The following TSPAN9 variants were observed in gnomAD, a reference collection of about 807,000 sequenced individuals.
TSPAN9 encodes the protein tetraspanin-9.
A neutral mutation model predicts 31.0 loss-of-function variants in TSPAN9; 16 were observed. The ratio of observed to expected loss-of-function variants is 0.52; its 90% confidence interval spans 0.35 to 0.78. TSPAN9 has a LOEUF of 0.78. Among genes scored for constraint, TSPAN9 ranks in the 30% least tolerant of loss-of-function variants. The pLI, the probability that TSPAN9 is intolerant of heterozygous loss-of-function variation, is 0.01. For synonymous variants in TSPAN9, 145 were observed against 121.6 expected (o/e 1.19, Z -1.27); for missense variants, 272 against 312.5 (o/e 0.87, Z 0.98).
At position 3,272,640 on chromosome 12, in the gene TSPAN9, C is replaced by T. The variant is rs775402362; in HGVS notation, c.64-5781C>T. ...GGTGTGTCCTCTGCTGTGGGCCCGG[C>T]GCTGGCAGAGGAGTCATCCCTGGCG... On this transcript the variant is annotated intron_variant, in intron 3 of 8. Transcript: ENST00000011898. Among the ~76,000 whole-genome samples the T allele has an allele frequency of 3.3e-5, 5 of 152,106 alleles. No individual in the cohort carries two copies. The East Asian group carries it at 7.8e-4, about 24-fold the overall frequency.
At chr12:3,268,575 G>A (rs1462596857) in intron 3 of TSPAN9, among the ~76,000 whole-genome samples, 3 of 123,712 alleles carry the variant, frequency 2.4e-5, no homozygotes, top group Admixed American at 7.7e-5. Context: ...TGTTCCTGCA[G>A]CCTGCCCTCC....
chr12:3,181,273 C>T (rs144830450), intron 2 of TSPAN9, among the ~76,000 whole-genome samples: 11 of 152,236 alleles, frequency 7.2e-5, no homozygotes, highest in South Asian at 6.2e-4. Context: ...GTGCCAGGCA[C>T]GGAATCGGGC....
intron 2 of TSPAN9, among the ~76,000 whole-genome samples, chr12:3,199,657 T>C (rs894332169): frequency 1.7e-4 from 26 of 152,060 alleles, no homozygotes; most frequent in Non-Finnish European, 3.7e-4. Flanking sequence ...CGCCGCAGCG[T>C]CCCAACCGAG....
intron 2 of TSPAN9, chr12:3,173,834 T>TCCTC (rs1388415689): frequency 7.2e-5 from 11 of 152,134 alleles, no homozygotes; most frequent in Admixed American, 4.6e-4. Flanking sequence ...CTTTCTGTCT[T>TCCTC]CCTCCCTCCC....
intron 2 of TSPAN9, among the ~76,000 whole-genome samples, chr12:3,088,050 A>T (rs1490388744): frequency 1.3e-5 from 2 of 152,214 alleles, no homozygotes; most frequent in Non-Finnish European, 2.9e-5. Flanking sequence ...GCCAGGCTCT[A>T]CAGGAGGGCT....
intron 2 of TSPAN9, among the ~76,000 whole-genome samples, chr12:3,138,659 C>CT (rs2098333232): frequency 6.4e-5 from 7 of 109,122 alleles, no homozygotes; most frequent in Non-Finnish European, 3.9e-5. Flanking sequence ...CTTTTTTTTC[C>CT]TTTTTTTGTA....
At chr12:3,189,129 G>A (rs933287244) in intron 2 of TSPAN9, among the ~76,000 whole-genome samples, 1 of 152,222 alleles carries the variant, frequency 6.6e-6, no homozygotes, top group Admixed American at 6.5e-5. Context: ...AACAAGAAGA[G>A]TGCCTCTTCA....
intron 3 of TSPAN9, among the ~76,000 whole-genome samples, chr12:3,221,883 C>T (rs2153975029): frequency 6.6e-6 from 1 of 152,300 alleles, no homozygotes; most frequent in Non-Finnish European, 1.5e-5. Context: ...CTCAAGTAAT[C>T]CTCCTGCCTT....
intron 2 of TSPAN9, among the ~76,000 whole-genome samples, chr12:3,158,243 C>T (rs2098343279): frequency 6.6e-6 from 1 of 152,176 alleles, no homozygotes; most frequent in Admixed American, 6.5e-5. Context: ...TGGATGCCTC[C>T]TACAAGATCT....
rs1055117669 is a variant in TSPAN9, at chr12:3,283,320, TC to T, written c.*205del. On this transcript the variant is annotated 3_prime_UTR_variant, in exon 9 of 9. Transcript: ENST00000011898. The stretch of plus-strand genomic sequence containing the variant: ...GAGGAGGCACACGGAGACCTGGGGC[TC>T]GGGGCCCCTGGATTCCTGCATCTGC... 34 of 556,620 alleles carry T rather than the reference TC, an allele frequency of 6.1e-5. No homozygotes were observed. The highest frequency in any genetic ancestry group is 6.8e-5 in the Non-Finnish European group (22 of 322,676). The allele number at this position is 556,620 out of a possible 1,614,324, so 34.5% of individuals were successfully genotyped here.
chr12:3,217,747 C>T (rs1317016189), intron 3 of TSPAN9, among the ~76,000 whole-genome samples: 4 of 152,074 alleles, frequency 2.6e-5, no homozygotes, highest in Non-Finnish European at 4.4e-5. Context: ...ATCATCTGTC[C>T]CTTCCCTGCT....
intron 3 of TSPAN9, among the ~76,000 whole-genome samples, chr12:3,260,237 A>G (rs1188514272): frequency 6.6e-6 from 1 of 152,256 alleles, no homozygotes; most frequent in Non-Finnish European, 1.5e-5. Flanking sequence ...GTTTGTGCTT[A>G]ATAAGTGACT....
chr12:3,212,518 C>CCTG (rs1413449240), intron 3 of TSPAN9, among the ~76,000 whole-genome samples: 2 of 151,718 alleles, frequency 1.3e-5, no homozygotes, highest in Non-Finnish European at 2.9e-5. Flanking sequence ...CTTAAGCAAT[C>CCTG]CTGCCTTGGC....
At chr12:3,106,001 C>A (rs2098314460) in intron 2 of TSPAN9, among the ~76,000 whole-genome samples, 1 of 152,202 alleles carries the variant, frequency 6.6e-6, no homozygotes, top group Middle Eastern at 3.4e-3. Context: ...GTCTTGCACA[C>A]ACACACTCAT....
At chr12:3,078,358 T>C (rs2098296176) in intron 1 of TSPAN9, among the ~76,000 whole-genome samples, 1 of 152,144 alleles carries the variant, frequency 6.6e-6, no homozygotes, top group African/African-American at 2.4e-5. Context: ...AGGTATTTCC[T>C]CCTCCAGGAA....
chr12:3,270,830 G>A (rs1862663800), intron 3 of TSPAN9, among the ~76,000 whole-genome samples: 1 of 152,264 alleles, frequency 6.6e-6, no homozygotes, highest in South Asian at 2.1e-4. Context: ...AGAGGTGTAG[G>A]TATTGTAACA....
intron 3 of TSPAN9, among the ~76,000 whole-genome samples, chr12:3,237,431 C>G (rs1048391552): frequency 6.6e-6 from 1 of 152,230 alleles, no homozygotes; most frequent in Non-Finnish European, 1.5e-5. Flanking sequence ...CCAGGGCTAC[C>G]TCTTGGCCAC....
intron 3 of TSPAN9, among the ~76,000 whole-genome samples, chr12:3,240,981 A>G (rs1201735359): frequency 2.0e-5 from 3 of 152,202 alleles, no homozygotes; most frequent in Non-Finnish European, 4.4e-5. Context: ...GGATTTTTAA[A>G]CGGATAATTG....
chr12:3,137,353 A>C (rs2098332594), intron 2 of TSPAN9, among the ~76,000 whole-genome samples: 1 of 152,236 alleles, frequency 6.6e-6, no homozygotes, highest in Non-Finnish European at 1.5e-5. Flanking sequence ...TCACTGGAAC[A>C]CATAAGTGCC....
Sources: gnomAD v4.1 joint callset for allele counts (sites outside exome capture counted in the v4.1 genomes callset) on GRCh38, gnomAD v4.1.1 for gene constraint, MANE v1.5 for transcripts, NCBI Gene and HGNC (gene_info 2026-07-23, HGNC 2026-07-21) for gene names.